The following CNTN3 variants were observed in gnomAD, a reference collection of about 807,000 sequenced individuals.
The protein encoded by CNTN3 is contactin-3.
In CNTN3, 60 loss-of-function variants were observed where a neutral mutation model predicts 119.1. That is an observed-to-expected ratio of 0.50 (90% CI 0.41 to 0.62). CNTN3 has a LOEUF of 0.62. CNTN3 is among the 20% of genes least tolerant of loss of function. The probability of loss-of-function intolerance (pLI) is 0.00; values close to 1 mark genes in which losing one functional copy is unlikely to be tolerated. For missense variants in CNTN3, 1,101 were observed against 1,242.4 expected, an observed-to-expected ratio of 0.89 and a Z score of 1.71; for synonymous variants, 450 against 438.7, an observed-to-expected ratio of 1.03 and a Z score of -0.32.
intron 5 of CNTN3, among the ~76,000 whole-genome samples, chr3:74,400,775 C>T (rs1319626352): frequency 6.6e-6 from 1 of 152,124 alleles, no homozygotes; most frequent in Non-Finnish European, 1.5e-5. Flanking sequence ...GTGCTGGTAA[C>T]TACCTTGAGT....
At chr3:74,585,477 T>C (rs889903682) in intron 1 of CNTN3, among the ~76,000 whole-genome samples, 1 of 152,164 alleles carries the variant, frequency 6.6e-6, no homozygotes, top group Non-Finnish European at 1.5e-5. Flanking sequence ...GATTTCTTAT[T>C]TTGAATTCAA....
At chr3:74,412,101 A>G (rs1701447528) in intron 5 of CNTN3, among the ~76,000 whole-genome samples, 1 of 152,212 alleles carries the variant, frequency 6.6e-6, no homozygotes. Flanking sequence ...TTTGGGGAAC[A>G]TGATGTGTCC....
chr3:74,340,507 C>T lies in CNTN3; in HGVS notation c.1365-3849G>A, dbSNP rs562694875. 7.9e-5 allele frequency among the ~76,000 whole-genome samples: 12 copies of T among 152,054 alleles called. No individual in the cohort carries two copies. In the South Asian group the frequency reaches 2.5e-3, roughly 32 times the overall value. On this transcript the variant is annotated intron_variant, in intron 11 of 22. Coordinates refer to ENST00000263665, the MANE Select transcript of CNTN3 (RefSeq NM_020872.3). ...CTCCCAACCCATCTGATCGCTAATC[C>T]CATCAGTAAAATTTTGGGGCCATGA...
At chr3:74,598,168 G>T (rs1326778681) in intron 1 of CNTN3, among the ~76,000 whole-genome samples, 1 of 152,030 alleles carries the variant, frequency 6.6e-6, no homozygotes, top group African/African-American at 2.4e-5. Flanking sequence ...GTGATGCTCT[G>T]CCAGTCCCAG....
intron 4 of CNTN3, among the ~76,000 whole-genome samples, chr3:74,473,058 T>A (rs993361419): frequency 2.0e-5 from 3 of 151,310 alleles, no homozygotes; most frequent in Non-Finnish European, 4.4e-5. Context: ...TTATAATCTA[T>A]AATAATTAAA....
intron 11 of CNTN3, among the ~76,000 whole-genome samples, chr3:74,355,737 G>A (rs116185350): frequency 4.6e-5 from 7 of 152,064 alleles, no homozygotes; most frequent in Admixed American, 1.3e-4. Flanking sequence ...TTACAAGCAT[G>A]AGCCACCGCA....
At chr3:74,438,394 T>C (rs191446910) in intron 4 of CNTN3, among the ~76,000 whole-genome samples, 195 of 152,312 alleles carry the variant, frequency 1.3e-3, no homozygotes, top group Non-Finnish European at 2.2e-3. Flanking sequence ...TATGAGAAAA[T>C]AAATGCAAAG....
At chr3:74,510,672 T>C (rs1703349149) in intron 2 of CNTN3, among the ~76,000 whole-genome samples, 1 of 152,058 alleles carries the variant, frequency 6.6e-6, no homozygotes. Flanking sequence ...TGGTTAAAGT[T>C]ACCTTCAGGA....
At chr3:74,421,396 C>G (rs1045064655) in intron 5 of CNTN3, among the ~76,000 whole-genome samples, 5 of 152,030 alleles carry the variant, frequency 3.3e-5, no homozygotes, top group Non-Finnish European at 7.3e-5. Flanking sequence ...TCTTGAACTC[C>G]TGAGCTCAAG....
chr3:74,290,973 A>G (rs527475420), intron 19 of CNTN3, among the ~76,000 whole-genome samples: 1 of 152,144 alleles, frequency 6.6e-6, no homozygotes, highest in East Asian at 1.9e-4. Flanking sequence ...ATATGTATAC[A>G]TGTGCCATGT....
At chr3:74,391,866 C>T (rs1171408829) in intron 5 of CNTN3, among the ~76,000 whole-genome samples, 5 of 152,148 alleles carry the variant, frequency 3.3e-5, no homozygotes, top group Non-Finnish European at 7.4e-5. Context: ...CCATGTTGGT[C>T]AGGCTGGTCT....
intron 3 of CNTN3, among the ~76,000 whole-genome samples, chr3:74,488,147 T>A (rs574423929): frequency 1.3e-5 from 2 of 151,996 alleles, no homozygotes; most frequent in Non-Finnish European, 2.9e-5. Flanking sequence ...AGTCTCCCTC[T>A]GTCTCCCAGG....
intron 20 of CNTN3, among the ~76,000 whole-genome samples, chr3:74,284,513 G>A (rs555972399): frequency 5.9e-5 from 9 of 152,238 alleles, no homozygotes; most frequent in African/African-American, 2.2e-4. Flanking sequence ...GTGGGAATGA[G>A]CATAAATTAC....
At chr3:74,306,236 T>C (rs1274377149) in intron 13 of CNTN3, among the ~76,000 whole-genome samples, 4 of 126,554 alleles carry the variant, frequency 3.2e-5, no homozygotes, top group South Asian at 2.7e-4. Flanking sequence ...AAAAAGAAAC[T>C]CGGTAAAATT....
At chr3:74,497,075 T>G (rs543754746) in intron 3 of CNTN3, among the ~76,000 whole-genome samples, 5 of 152,128 alleles carry the variant, frequency 3.3e-5, no homozygotes, top group African/African-American at 1.2e-4. Context: ...CTCCTTAATA[T>G]TCCTCCTTGG....
Position 74,393,766 on chromosome 3 carries a change from T to C in CNTN3, c.455-22367A>G, listed in dbSNP as rs74607610. On this transcript the variant is annotated intron_variant, in intron 5 of 22. Coordinates refer to ENST00000263665, the MANE Select transcript of CNTN3 (RefSeq NM_020872.3). The stretch of plus-strand genomic sequence containing the variant: ...ATCTGTGATTCCAAATCCACCACAG[T>C]GTGCCAAGTTTCCCTGTTCCATTTG... Among the ~76,000 whole-genome samples, 1,460 of 152,282 alleles carry C rather than the reference T, an allele frequency of 9.6e-3. 28 individuals are homozygous for C. The highest frequency in any genetic ancestry group is 0.034 in the African/African-American group (1,394 of 41,562).
intron 5 of CNTN3, among the ~76,000 whole-genome samples, chr3:74,423,631 G>A (rs961401489): frequency 3.3e-5 from 5 of 152,120 alleles, no homozygotes; most frequent in African/African-American, 7.2e-5. Flanking sequence ...TTGTCAATAC[G>A]GTTTGACTTC....
intron 1 of CNTN3, among the ~76,000 whole-genome samples, chr3:74,612,316 C>T (rs1017856579): frequency 6.6e-6 from 1 of 152,210 alleles, no homozygotes; most frequent in Non-Finnish European, 1.5e-5. Flanking sequence ...GGAAAGGCTA[C>T]AGCTTGTTGT....
intron 5 of CNTN3, among the ~76,000 whole-genome samples, chr3:74,377,438 A>T (rs1704506402): frequency 6.6e-6 from 1 of 152,180 alleles, no homozygotes; most frequent in Non-Finnish European, 1.5e-5. Context: ...ATTTGCAATA[A>T]ATGTTAATTG....
Sources: gnomAD v4.1 joint callset for allele counts (sites outside exome capture counted in the v4.1 genomes callset) on GRCh38, gnomAD v4.1.1 for gene constraint, MANE v1.5 for transcripts, NCBI Gene and HGNC (gene_info 2026-07-23, HGNC 2026-07-21) for gene names.